FAM83G: variants seen among roughly 807,000 people sequenced by gnomAD.
The protein encoded by FAM83G is scaffolding CK1 anchoring protein G, also known as protein FAM83G.
FAM83G carries 38 observed loss-of-function variants against 61.5 expected under a neutral mutation model. The observed-to-expected ratio is 0.62, with a 90% CI of 0.48 to 0.81. The LOEUF (loss-of-function observed/expected upper bound fraction) is 0.81. Ranked by LOEUF, FAM83G falls within the 30% of genes least tolerant of loss-of-function variation. FAM83G has a pLI of 0.00. For synonymous variants in FAM83G, 470 were observed against 476.1 expected (o/e 0.99, Z 0.17); for missense variants, 989 against 1,133.6 (o/e 0.87, Z 1.83).
Position 18,978,298 on chromosome 17 carries a change from G to C in FAM83G, c.1368C>G (p.Ser456Arg). 1 of 1,610,666 alleles carries C rather than the reference G, an allele frequency of 6.2e-7. No individual in the cohort carries two copies. The highest frequency in any genetic ancestry group is 8.5e-7 in the Non-Finnish European group (1 of 1,178,614). Residue 456 changes from serine to arginine, a missense_variant, in exon 5 of 6, where the codon AGC becomes AGG. Coordinates refer to ENST00000388995, the MANE Select transcript of FAM83G (RefSeq NM_001039999.3). Reference protein sequence around the residue: ...RIKIRDTSQASAQHQLWKQSQ... With the variant: ...RIKIRDTSQARAQHQLWKQSQ... ...TCTGCTTCCACAGCTGGTGCTGGGC[G>C]CTGGCCTGGGAGGTGTCACGGATCT...
intron 2 of FAM83G, among the ~76,000 whole-genome samples, chr17:18,989,649 G>A (rs2043360871): frequency 6.6e-6 from 1 of 152,238 alleles, no homozygotes; most frequent in Non-Finnish European, 1.5e-5. Flanking sequence ...AGAGCCCGAC[G>A]GGGGGCTGGG....
At chr17:18,984,274 A>G (rs11658186) in intron 3 of FAM83G, among the ~76,000 whole-genome samples, 41 of 150,546 alleles carry the variant, frequency 2.7e-4, no homozygotes, top group South Asian at 6.3e-4. Flanking sequence ...CCCGGGAGGC[A>G]GAGCTTGCAG....
In FAM83G at chr17:18,977,907, A is replaced by C; in HGVS notation, c.1759T>G (p.Tyr587Asp). 6.2e-7 allele frequency: 1 copy of C among 1,610,260 alleles called. No homozygotes were observed. The highest frequency in any genetic ancestry group is 1.1e-5 in the South Asian group (1 of 91,038). The change falls in exon 5 of 6, where the codon TAC becomes GAC. Residue 587 changes from tyrosine to aspartate, a missense_variant. Physicochemically the swap from Tyr to Asp is radical, Grantham distance 160. Coordinates refer to ENST00000388995, the MANE Select transcript of FAM83G (RefSeq NM_001039999.3). ...CTGTCCTGGTCACTGAGGGTTACGT[A>C]GTCGTCATCATCTTCTTCTTCCACC... Reference protein sequence around the residue: ...DGVEEEDDDDYVTLSDQDSHS... With the variant: ...DGVEEEDDDDDVTLSDQDSHS...
In FAM83G at chr17:18,978,076, G is replaced by A. The variant is rs887266339; in HGVS notation, c.1590C>T (p.Pro530=). The A allele has an allele frequency of 1.5e-5, 22 of 1,516,540 alleles. No homozygotes were observed. Among genetic ancestry groups the A allele is most frequent in the Non-Finnish European group, 1.8e-5 (21 of 1,135,402 alleles). 93.9% of individuals were successfully genotyped at this position (1,516,540 alleles called of 1,614,324 possible). A position where few individuals can be genotyped will look rare whatever the true frequency, so the allele number is the denominator to read the frequency against. ...SSDIGWVLEL[P]KEEAPQNGTD... ...TCCCATTCTGGGGAGCTTCCTCTTT[G>A]GGGAGCTCCAGGACCCAGCCAATAT... Residue 530 remains proline (P), a synonymous_variant, in exon 5 of 6, where the codon CCC becomes CCT. Coordinates refer to ENST00000388995, the MANE Select transcript of FAM83G (RefSeq NM_001039999.3).
At chr17:18,976,656 C>T in intron 5 of FAM83G, 1 of 643,946 alleles carries the variant, frequency 1.6e-6, no homozygotes. Flanking sequence ...TCGGCTCTCG[C>T]TGCTTGGCCT....
At chr17:18,989,769 A>G (rs557009988) in intron 2 of FAM83G, among the ~76,000 whole-genome samples, 27 of 152,322 alleles carry the variant, frequency 1.8e-4, no homozygotes, top group African/African-American at 6.3e-4. Context: ...CACAGGCACC[A>G]TGGTGGTGAC....
Position 18,984,332 on chromosome 17 carries a change from CAAAAAAAAA to C in FAM83G, c.690+3906_690+3914del, listed in dbSNP as rs1176935676. On this transcript the variant is annotated intron_variant, in intron 3 of 5. Coordinates refer to ENST00000388995, the MANE Select transcript of FAM83G (RefSeq NM_001039999.3). ...TGGGCGACAGAGCAAGACTCCCTCT[CAAAAAAAAA>C]AAAAAAAAAAAAAGAGAACCCTGCC... 3.6e-3 allele frequency among the ~76,000 whole-genome samples: 247 copies of C among 68,016 alleles called. 2 individuals carry two copies. In the Middle Eastern group the frequency reaches 0.12, roughly 34 times the overall value. 44.6% of individuals were successfully genotyped at this position (68,016 alleles called of 152,430 possible).
At chr17:18,977,497 T>C (rs2043009065) in intron 5 of FAM83G, 87 bp downstream of exon 5, 2 of 1,303,420 alleles carry the variant, frequency 1.5e-6, no homozygotes, top group East Asian at 2.3e-5. Flanking sequence ...GTCAGGGACA[T>C]GGTAGCCCAG....
At chr17:18,991,034 C>T (rs541928455) in intron 2 of FAM83G, among the ~76,000 whole-genome samples, 23 of 152,312 alleles carry the variant, frequency 1.5e-4, no homozygotes, top group Admixed American at 2.6e-4. Context: ...GGAGCCTTTA[C>T]AGCTGTTACC....
rs765069545 is a variant in FAM83G, at chr17:19,004,022, T to C, written c.20A>G (p.Gln7Arg). 20 of 1,601,188 alleles carry C rather than the reference T, an allele frequency of 1.2e-5. No individual in the cohort carries two copies. Among genetic ancestry groups the C allele is most frequent in the Non-Finnish European group, 1.7e-5 (20 of 1,172,428 alleles). The change falls in exon 2 of 6, where the codon CAG (glutamine) becomes CGG (arginine). Residue 7 changes from glutamine to arginine, a missense_variant. Gln to Arg is a conservative substitution (Grantham distance 43). Coordinates refer to ENST00000388995, the MANE Select transcript of FAM83G (RefSeq NM_001039999.3). This position sits in a 1 kb window ranked among gnomAD's most constrained non-coding sequence, Gnocchi z 5.4. ...GTTCACATGGTTGTCGTCCAGACAC[T>C]GCACCTGAGAGAAGGCCATGGCGCC... MAFSQVQCLDDNHVNWR... is the reference protein window; with the variant it reads MAFSQVRCLDDNHVNWR...
upstream of FAM83G, among the ~76,000 whole-genome samples, chr17:19,005,297 G>A (rs1042707400): frequency 2.6e-5 from 4 of 152,176 alleles, no homozygotes; most frequent in Non-Finnish European, 4.4e-5. Context: ...TCTGCGTGGC[G>A]GGCAGCACCC....
intron 3 of FAM83G, among the ~76,000 whole-genome samples, chr17:18,984,172 C>G (rs192311633): frequency 3.8e-4 from 58 of 152,122 alleles, no homozygotes; most frequent in African/African-American, 1.4e-3. Context: ...GAAACCCCAT[C>G]TCTACTAAAA....
chr17:18,979,653 G>A lies in FAM83G; in HGVS notation c.711C>T (p.Ser237=), dbSNP rs541878696. The A allele has an allele frequency of 8.6e-5, 138 of 1,613,418 alleles. No individual in the cohort carries two copies. Among genetic ancestry groups the A allele is most frequent in the Non-Finnish European group, 1.1e-4 (131 of 1,179,966 alleles). The change falls in exon 4 of 6, where the codon AGC becomes AGT. Residue 237 remains serine (S), a synonymous_variant. Coordinates refer to ENST00000388995, the MANE Select transcript of FAM83G (RefSeq NM_001039999.3). ...GHLKNLRVRS[S]GGTEFFTRSA... is the part of the protein sequence containing the mutation. The stretch of plus-strand genomic sequence containing the variant: ...ACCGCGTGAAGAACTCAGTTCCCCC[G>A]CTGCTCCGCACTCTGAGATTCTGTT...
intron 3 of FAM83G, among the ~76,000 whole-genome samples, chr17:18,982,401 A>G (rs980590629): frequency 2.6e-5 from 4 of 152,218 alleles, no homozygotes; most frequent in Non-Finnish European, 4.4e-5. Flanking sequence ...TCGTGTGCGC[A>G]GAGGTGGAGG....
In FAM83G at chr17:18,970,836, T is replaced by TAA. The variant is rs530597462; in HGVS notation, c.*521_*522dup. 4.4e-4 allele frequency: 220 copies of TAA among 503,550 alleles called. No homozygotes were observed. The highest frequency in any genetic ancestry group is 7.2e-4 in the East Asian group (21 of 29,106). The allele number at this position is 503,550 out of a possible 1,614,324, so 31.2% of individuals were successfully genotyped here. A position where few individuals can be genotyped will look rare whatever the true frequency, so the allele number is the denominator to read the frequency against. On this transcript the variant is annotated 3_prime_UTR_variant, in exon 6 of 6. Transcript: ENST00000388995. ...ATAAAATAGTCATTCAAATACACCT[T>TAA]AAAAAAAAAAACAACCCTCTACCCT...
At chr17:18,983,688 GTCTCGC>G (rs1320025615) in intron 3 of FAM83G, among the ~76,000 whole-genome samples, 3 of 152,210 alleles carry the variant, frequency 2.0e-5, no homozygotes, top group Admixed American at 6.5e-5. Context: ...TACAGGGCCT[GTCTCGC>G]TCTCTGTGGA....
In FAM83G at chr17:18,971,990, C is replaced by T. The variant is rs762764003; in HGVS notation, c.2083-242G>A. 6.6e-6 allele frequency among the ~76,000 whole-genome samples: 1 copy of T among 152,218 alleles called. No homozygotes were observed. Among genetic ancestry groups the T allele is most frequent in the Non-Finnish European group, 1.5e-5 (1 of 68,034 alleles). ...CAAGGCAGCTTCCTCCCAGCTCACC[C>T]CCGCAGCCTCCTCTATTCCGACACA... On this transcript the variant is annotated intron_variant, in intron 5 of 5. Transcript: ENST00000388995. The surrounding 1 kb of genome is among the most constrained non-coding windows in gnomAD (Gnocchi z 5.5).
intron 3 of FAM83G, among the ~76,000 whole-genome samples, chr17:18,983,873 G>A (rs2043197924): frequency 6.6e-6 from 1 of 152,198 alleles, no homozygotes; most frequent in African/African-American, 2.4e-5. Context: ...TCTCCCCTAG[G>A]CCAAGGCTGC....
intron 4 of FAM83G, chr17:18,979,140 G>T: frequency 1.9e-6 from 1 of 517,690 alleles, no homozygotes; most frequent in Non-Finnish European, 3.5e-6. Context: ...CACTGTGGGG[G>T]GTTCTGCATG....
Sources: gnomAD v4.1 joint callset for allele counts (sites outside exome capture counted in the v4.1 genomes callset) on GRCh38, gnomAD v4.1.1 for gene constraint, Gnocchi (gnomAD v3.1) non-coding constraint, MANE v1.5 for transcripts, NCBI Gene and HGNC (gene_info 2026-07-23, HGNC 2026-07-21) for gene names.